Variants in ARID4A observed in about 807,000 individuals in gnomAD.
ARID4A encodes AT-rich interactive domain-containing protein 4A.
A neutral mutation model predicts 148.6 loss-of-function variants in ARID4A; 39 were observed. That is an observed-to-expected ratio of 0.26 (90% CI 0.20 to 0.34). The LOEUF (loss-of-function observed/expected upper bound fraction) is 0.34, where lower values mean the gene tolerates loss of function less well. Among genes scored for constraint, ARID4A ranks in the 10% least tolerant of loss-of-function variants. ARID4A has a pLI of 1.00. For missense variants in ARID4A, 1,265 were observed against 1,449.1 expected (o/e 0.87, Z 2.06); for synonymous variants, 475 against 481.2 (o/e 0.99, Z 0.17).
chr14:58,318,828 T>C, intron 7 of ARID4A, 23 bp downstream of exon 7: 1 of 1,554,302 alleles, frequency 6.4e-7, no homozygotes, highest in Non-Finnish European at 8.9e-7. Flanking sequence ...ATATATGGTA[T>C]CATTTTAATT....
At chr14:58,303,334 T>C (rs2031344009) in intron 3 of ARID4A, among the ~76,000 whole-genome samples, 1 of 152,184 alleles carries the variant, frequency 6.6e-6, no homozygotes, top group South Asian at 2.1e-4. Flanking sequence ...TTTGAAACAA[T>C]GTGATATAGC....
intron 5 of ARID4A, 137 bp from the exon 6 acceptor site, chr14:58,318,405 A>G: frequency 1.2e-6 from 1 of 869,162 alleles, no homozygotes. Flanking sequence ...GCTCATTGTA[A>G]AGGTTTTGAA....
At chr14:58,347,199 A>G (rs2034416237) in intron 14 of ARID4A, 82 bp downstream of exon 14, 2 of 672,012 alleles carry the variant, frequency 3.0e-6, no homozygotes, top group Admixed American at 7.2e-5. Flanking sequence ...GAATACATCA[A>G]TCTAGAAACA....
chr14:58,313,067 A>T (rs940132747), intron 5 of ARID4A, among the ~76,000 whole-genome samples: 110 of 152,176 alleles, frequency 7.2e-4, no homozygotes, highest in African/African-American at 2.6e-3. Context: ...ACTTTGTCTA[A>T]TGTGTTTAGT....
chr14:58,365,591 T>G lies in ARID4A; in HGVS notation c.3285T>G (p.Ser1095Arg), dbSNP rs1402080170. The G allele has an allele frequency of 6.2e-7, 1 of 1,611,232 alleles. No homozygotes were observed. Reference sequence around the variant, plus strand: ...AAAAGCGTACCCCAAAGCGAACAAGTGCTGCAGCCAAAAATGAAAAGAATG... The same window carrying G: ...AAAAGCGTACCCCAAAGCGAACAAGGGCTGCAGCCAAAAATGAAAAGAATG... ...KKQKRTPKRTSAAAKNEKNGT... is the reference protein window; with the variant it reads ...KKQKRTPKRTRAAAKNEKNGT... Residue 1095 changes from serine to arginine, a missense_variant, in exon 21 of 24, where the codon AGT becomes AGG. By Grantham distance (110) the Ser-to-Arg change is moderately radical. This residue lies in a region of ARID4A where 666 missense variants were observed against 730.9 expected (regional missense o/e 0.91). Transcript: ENST00000355431.
chr14:58,300,602 A>T (rs1205066477), intron 2 of ARID4A, among the ~76,000 whole-genome samples: 1 of 152,204 alleles, frequency 6.6e-6, no homozygotes, highest in East Asian at 1.9e-4. Context: ...AAGCTCTGAA[A>T]TATAGCATTT....
At chr14:58,336,327 A>G (rs970982156) in intron 11 of ARID4A, among the ~76,000 whole-genome samples, 3 of 152,154 alleles carry the variant, frequency 2.0e-5, no homozygotes, top group Admixed American at 6.5e-5. Flanking sequence ...TATATTGTCA[A>G]TTGTCAGTTT....
At chr14:58,326,648 A>G (rs2033229857) in intron 8 of ARID4A, among the ~76,000 whole-genome samples, 1 of 152,188 alleles carries the variant, frequency 6.6e-6, no homozygotes, top group African/African-American at 2.4e-5. Flanking sequence ...TTTGAGCTAC[A>G]TGTTTAGGAA....
intron 1 of ARID4A, 170 bp from the exon 2 acceptor site, chr14:58,299,628 T>G (rs2140123231): frequency 1.7e-6 from 1 of 598,284 alleles, no homozygotes. Context: ...GCTCGTGGGG[T>G]TCTCGCTGCC....
intron 4 of ARID4A, 75 bp from the exon 5 acceptor site, chr14:58,305,947 A>G (rs982842215): frequency 1.2e-5 from 12 of 1,001,114 alleles, no homozygotes; most frequent in Non-Finnish European, 1.9e-5. Flanking sequence ...TTTCTTAGCT[A>G]GATTATATAG....
chr14:58,368,090 T>A (rs1335328233), intron 23 of ARID4A, among the ~76,000 whole-genome samples: 1 of 151,978 alleles, frequency 6.6e-6, no homozygotes, highest in Non-Finnish European at 1.5e-5. Context: ...GAAAATAGAT[T>A]AACTTAAAAG....
intron 23 of ARID4A, among the ~76,000 whole-genome samples, chr14:58,367,713 A>G (rs915324065): frequency 3.3e-5 from 5 of 152,222 alleles, no homozygotes; most frequent in African/African-American, 1.2e-4. Context: ...GAACATGTCC[A>G]TCTACAGTCC....
At chr14:58,332,398 C>T (rs2033580380) in intron 11 of ARID4A, among the ~76,000 whole-genome samples, 1 of 152,006 alleles carries the variant, frequency 6.6e-6, no homozygotes, top group Non-Finnish European at 1.5e-5. Context: ...TTCGGATGGT[C>T]AATTTCATAG....
intron 5 of ARID4A, among the ~76,000 whole-genome samples, chr14:58,312,280 G>A (rs566158987): frequency 2.1e-4 from 31 of 150,632 alleles, no homozygotes; most frequent in African/African-American, 7.3e-4. Flanking sequence ...GCAGTGGCGC[G>A]ATCTTGGCTC....
chr14:58,325,938 A>C (rs1182311403), intron 8 of ARID4A, among the ~76,000 whole-genome samples: 1 of 152,112 alleles, frequency 6.6e-6, no homozygotes, highest in Non-Finnish European at 1.5e-5. Flanking sequence ...AATAAGTAAG[A>C]CACTATTCTT....
At chr14:58,329,132 TA>T (rs1488819362) in intron 9 of ARID4A, among the ~76,000 whole-genome samples, 1 of 152,186 alleles carries the variant, frequency 6.6e-6, no homozygotes, top group African/African-American at 2.4e-5. Flanking sequence ...TTTATAGTGA[TA>T]AAAATATTTC....
intron 23 of ARID4A, among the ~76,000 whole-genome samples, chr14:58,370,382 C>T (rs1029209399): frequency 2.6e-5 from 4 of 151,956 alleles, no homozygotes; most frequent in East Asian, 1.9e-4. Context: ...CTGCAGCCTC[C>T]GCCTCCCGGG....
At chr14:58,305,467 A>G (rs1013407380) in intron 4 of ARID4A, among the ~76,000 whole-genome samples, 3 of 152,164 alleles carry the variant, frequency 2.0e-5, no homozygotes, top group African/African-American at 7.2e-5. Flanking sequence ...TTATGTAATA[A>G]ATCTGTTATA....
At chr14:58,345,962 C>T (rs2034344936) in intron 12 of ARID4A, among the ~76,000 whole-genome samples, 1 of 151,480 alleles carries the variant, frequency 6.6e-6, no homozygotes, top group Non-Finnish European at 1.5e-5. Flanking sequence ...TCTCAAACTC[C>T]TGAGCCCAAG....
Sources: allele counts gnomAD v4.1 joint callset (sites outside exome capture counted in the v4.1 genomes callset), GRCh38; gene constraint gnomAD v4.1.1; regional missense constraint gnomAD v4.1.1; transcripts MANE v1.5; gene names NCBI Gene and HGNC (gene_info 2026-07-23, HGNC 2026-07-21).